The following WDFY4 variants were observed in gnomAD, a reference collection of about 807,000 sequenced individuals.
The protein encoded by WDFY4 is WDFY family member 4.
WDFY4 carries 169 observed loss-of-function variants against 351.9 expected under a neutral mutation model. That is an observed-to-expected ratio of 0.48 (90% CI 0.42 to 0.55). WDFY4 has a LOEUF of 0.55. Ranked by LOEUF, WDFY4 falls within the 20% of genes least tolerant of loss-of-function variation. The pLI is 0.00. For missense variants in WDFY4, 3,803 were observed against 3,935.6 expected (o/e 0.97, Z 0.90); for synonymous variants, 1,622 against 1,574.6 (o/e 1.03, Z -0.71).
chr10:48,905,413 A>G (rs1403467941), intron 47 of WDFY4, among the ~76,000 whole-genome samples: 1 of 152,218 alleles, frequency 6.6e-6, no homozygotes, highest in Non-Finnish European at 1.5e-5. Context: ...CCCCAGGTTG[A>G]TGATGACCTG....
chr10:48,948,094 G>A (rs1841143152), intron 51 of WDFY4, among the ~76,000 whole-genome samples: 1 of 152,170 alleles, frequency 6.6e-6, no homozygotes, highest in South Asian at 2.1e-4. Flanking sequence ...GAGCCCTGGG[G>A]CAGGAATGGG....
intron 13 of WDFY4, among the ~76,000 whole-genome samples, chr10:48,772,329 T>C (rs2065889860): frequency 6.6e-6 from 1 of 152,016 alleles, no homozygotes; most frequent in Non-Finnish European, 1.5e-5. Flanking sequence ...AGTATGTGTG[T>C]GTGTGCACAC....
chr10:48,696,266 G>A (rs751637709), intron 1 of WDFY4, among the ~76,000 whole-genome samples: 3 of 152,326 alleles, frequency 2.0e-5, no homozygotes, highest in East Asian at 3.9e-4. Flanking sequence ...CAGCAGCTGC[G>A]CCTGCTCCTG....
At chr10:48,948,940 G>T (rs1011528032) in intron 51 of WDFY4, among the ~76,000 whole-genome samples, 3 of 152,232 alleles carry the variant, frequency 2.0e-5, no homozygotes, top group Admixed American at 1.3e-4. Flanking sequence ...TGAACCAACG[G>T]GATATCTGGG....
Position 48,776,910 on chromosome 10 carries a change from A to C in WDFY4, c.3024A>C (p.Pro1008=). ...TGAGCCTCATCTCCATGACCTCCCC[A>C]CGCAACCTGCAGCCTCAGAGGGCAG... ...TALSLISMTS[P]RNLQPQRAAL... Residue 1008 remains proline (P), a synonymous_variant, in exon 16 of 62, where the codon CCA becomes CCC. Coordinates refer to ENST00000325239, the MANE Select transcript of WDFY4 (RefSeq NM_001394531.1). 6.4e-7 allele frequency: 1 copy of C among 1,552,168 alleles called. No homozygotes were observed.
intron 18 of WDFY4, 69 bp from the exon 19 acceptor site, chr10:48,779,872 C>T (rs2066160694): frequency 1.3e-6 from 2 of 1,526,250 alleles, no homozygotes; most frequent in Non-Finnish European, 1.8e-6. Flanking sequence ...CGCCTATGCC[C>T]TCCCCATTCT....
At chr10:48,820,513 A>T in intron 33 of WDFY4, 76 bp downstream of exon 33, 1 of 1,465,016 alleles carries the variant, frequency 6.8e-7, no homozygotes, top group South Asian at 1.3e-5. Flanking sequence ...GGCAGGATGC[A>T]CCCAGGGAGA....
intron 19 of WDFY4, among the ~76,000 whole-genome samples, chr10:48,784,530 CTTTTTTTTTTTTTT>C (rs71465479): frequency 0.024 from 648 of 26,878 alleles, 10 homozygotes; most frequent in African/African-American, 0.088. Flanking sequence ...GCATTGTTTG[CTTTTTTTTTTTTTT>C]TTTTTTTTTT....
chr10:48,884,708 T>C (rs1328057626), intron 43 of WDFY4, among the ~76,000 whole-genome samples: 1 of 151,868 alleles, frequency 6.6e-6, no homozygotes, highest in Non-Finnish European at 1.5e-5. Context: ...CTTTGTGCCT[T>C]GGAATGCTCC....
chr10:48,727,390 G>A, intron 6 of WDFY4, 80 bp from the exon 7 acceptor site: 1 of 1,360,522 alleles, frequency 7.4e-7, no homozygotes, highest in Non-Finnish European at 1.0e-6. Flanking sequence ...GTTGTTTGGA[G>A]TAGGGGAGGT....
At chr10:48,886,102 G>A (rs1039104072) in intron 43 of WDFY4, among the ~76,000 whole-genome samples, 4 of 152,156 alleles carry the variant, frequency 2.6e-5, no homozygotes, top group Admixed American at 6.5e-5. Flanking sequence ...ACACACAAAC[G>A]TAAGGGAATG....
chr10:48,829,601 G>T (rs572530306), intron 37 of WDFY4, among the ~76,000 whole-genome samples: 1 of 152,284 alleles, frequency 6.6e-6, no homozygotes, highest in Non-Finnish European at 1.5e-5. Flanking sequence ...TGTAACCCCA[G>T]CACTTTGGGA....
At chr10:48,927,223 C>A (rs763339313) in intron 47 of WDFY4, among the ~76,000 whole-genome samples, 2 of 152,138 alleles carry the variant, frequency 1.3e-5, no homozygotes, top group Non-Finnish European at 2.9e-5. Context: ...ATGCCTCCCC[C>A]GAACCCTCCC....
intron 47 of WDFY4, among the ~76,000 whole-genome samples, chr10:48,931,962 C>G (rs1412438680): frequency 6.6e-6 from 1 of 152,198 alleles, no homozygotes; most frequent in Non-Finnish European, 1.5e-5. Context: ...GCCGGCTGTC[C>G]CTTTCCTGCT....
chr10:48,957,133 G>T lies in WDFY4; in HGVS notation c.7982G>T (p.Gly2661Val). The change falls in exon 52 of 62, where the codon GGA becomes GTA. Residue 2661 changes from glycine (G) to valine (V), a missense_variant. Transcript: ENST00000325239. Reference protein sequence around the residue: ...FTQAFCALQGGSFDVADRMFH... With the variant: ...FTQAFCALQGVSFDVADRMFH... Reference sequence around the variant, plus strand: ...TGTTGGCTCCATTTCCCCCAGGGCGGAAGCTTCGACGTGGCAGACAGAATG... The same window carrying T: ...TGTTGGCTCCATTTCCCCCAGGGCGTAAGCTTCGACGTGGCAGACAGAATG... The T allele has an allele frequency of 6.5e-7, 1 of 1,549,450 alleles. No individual in the cohort carries two copies. Among genetic ancestry groups the T allele is most frequent in the Non-Finnish European group, 8.7e-7 (1 of 1,145,376 alleles).
chr10:48,947,711 C>A (rs1443207914), intron 51 of WDFY4, among the ~76,000 whole-genome samples: 7 of 152,106 alleles, frequency 4.6e-5, no homozygotes, highest in Non-Finnish European at 1.0e-4. Context: ...CCCTCACAAC[C>A]CTATCACTGG....
At chr10:48,769,753 A>G (rs968255561) in intron 13 of WDFY4, among the ~76,000 whole-genome samples, 4 of 152,236 alleles carry the variant, frequency 2.6e-5, no homozygotes, top group African/African-American at 9.6e-5. Context: ...ATTAATCTGG[A>G]CCAAGAGAGA....
intron 60 of WDFY4, among the ~76,000 whole-genome samples, 183 bp from the exon 61 acceptor site, chr10:48,981,184 A>G (rs1842790052): frequency 6.6e-6 from 1 of 152,254 alleles, no homozygotes; most frequent in Admixed American, 6.5e-5. Context: ...TGCAAATTAA[A>G]TTGGGACGGC....
intron 39 of WDFY4, among the ~76,000 whole-genome samples, chr10:48,847,988 A>T (rs1040099165): frequency 6.6e-6 from 1 of 152,080 alleles, no homozygotes; most frequent in African/African-American, 2.4e-5. Flanking sequence ...TATGATTATT[A>T]CTCTGGTATT....
Sources: gnomAD v4.1 joint callset for allele counts (sites outside exome capture counted in the v4.1 genomes callset) on GRCh38, gnomAD v4.1.1 for gene constraint, MANE v1.5 for transcripts, NCBI Gene and HGNC (gene_info 2026-07-23, HGNC 2026-07-21) for gene names.